The following HTR4 variants were observed in gnomAD, a reference collection of about 807,000 sequenced individuals.
HTR4 encodes 5-hydroxytryptamine receptor 4.
HTR4 carries 16 observed loss-of-function variants against 36.8 expected under a neutral mutation model. That is an observed-to-expected ratio of 0.43 (90% confidence interval 0.29 to 0.66). HTR4 has a LOEUF of 0.66. Ranked by LOEUF, HTR4 falls within the 30% of genes least tolerant of loss-of-function variation. HTR4 has a pLI of 0.13. For synonymous variants in HTR4, 189 were observed against 185.1 expected (o/e 1.02, Z -0.17); for missense variants, 438 against 490.9 (o/e 0.89, Z 1.02).
At chr5:148,484,458 T>A in intron 6 of HTR4, 1 of 1,348,708 alleles carries the variant, frequency 7.4e-7, no homozygotes, top group Admixed American at 2.0e-5. Context: ...AGTCTATGGT[T>A]TCTGGAGATT....
At chr5:148,634,282 G>A (rs1040492005) in intron 2 of HTR4, among the ~76,000 whole-genome samples, 3 of 152,012 alleles carry the variant, frequency 2.0e-5, no homozygotes, top group Non-Finnish European at 2.9e-5. Flanking sequence ...TTCTCACATA[G>A]GCATCCTCTC....
At chr5:148,457,032 G>A (rs1194114752) in intron 5 of HTR4, among the ~76,000 whole-genome samples, 1 of 152,112 alleles carries the variant, frequency 6.6e-6, no homozygotes, top group South Asian at 2.1e-4. Context: ...ATCAATTAAG[G>A]TCACTTAGAG....
intron 2 of HTR4, among the ~76,000 whole-genome samples, chr5:148,568,407 A>G (rs1307598775): frequency 6.6e-6 from 1 of 152,156 alleles, no homozygotes; most frequent in African/African-American, 2.4e-5. Flanking sequence ...TCAATCAACT[A>G]ACGAACCAAT....
At chr5:148,598,343 G>T (rs1761859550) in intron 2 of HTR4, among the ~76,000 whole-genome samples, 1 of 152,106 alleles carries the variant, frequency 6.6e-6, no homozygotes, top group Non-Finnish European at 1.5e-5. Context: ...TCAGGAGTTT[G>T]AGACCAGCCT....
At chr5:148,559,108 A>T in intron 2 of HTR4, among the ~76,000 whole-genome samples, 1 of 152,218 alleles carries the variant, frequency 6.6e-6, no homozygotes, top group East Asian at 1.9e-4. Flanking sequence ...TACCTTCGTG[A>T]TCACCTGACT....
At chr5:148,641,669 G>T (rs1753732249) in intron 1 of HTR4, among the ~76,000 whole-genome samples, 1 of 152,148 alleles carries the variant, frequency 6.6e-6, no homozygotes, top group Non-Finnish European at 1.5e-5. Context: ...TTCAGAATCT[G>T]ATTTTTCCTT....
intron 6 of HTR4, among the ~76,000 whole-genome samples, chr5:148,487,961 T>C (rs952328283): frequency 6.6e-5 from 10 of 152,328 alleles, no homozygotes; most frequent in African/African-American, 2.4e-5. Context: ...TTGGTGATTA[T>C]GAAAATGAGA....
At chr5:148,524,666 G>A (rs1469394060) in intron 4 of HTR4, among the ~76,000 whole-genome samples, 2 of 152,116 alleles carry the variant, frequency 1.3e-5, no homozygotes, top group South Asian at 4.1e-4. Flanking sequence ...TTCTCTTTGG[G>A]AGAGTACAAA....
chr5:148,620,522 G>A (rs764964738), intron 2 of HTR4, among the ~76,000 whole-genome samples: 1 of 152,070 alleles, frequency 6.6e-6, no homozygotes, highest in Non-Finnish European at 1.5e-5. Flanking sequence ...GGCTGTAAGT[G>A]GAAAATGCAC....
chr5:148,587,782 A>C (rs72832077), intron 2 of HTR4, among the ~76,000 whole-genome samples: 1 of 151,954 alleles, frequency 6.6e-6, no homozygotes, highest in Non-Finnish European at 1.5e-5. Context: ...AGAAAGGGAA[A>C]CTCCAGCTGC....
At chr5:148,480,430 G>A (rs1313235428), downstream of HTR4, among the ~76,000 whole-genome samples, 2 of 152,276 alleles carry the variant, frequency 1.3e-5, no homozygotes, top group East Asian at 3.9e-4. Flanking sequence ...CCAGGCTGAA[G>A]TGCAGTGGTG....
intron 6 of HTR4, among the ~76,000 whole-genome samples, chr5:148,505,511 A>T (rs1183207630): frequency 6.6e-6 from 1 of 152,182 alleles, no homozygotes; most frequent in African/African-American, 2.4e-5. Flanking sequence ...TAGTGTTGGA[A>T]GTTCTGGCCA....
intron 2 of HTR4, among the ~76,000 whole-genome samples, chr5:148,611,023 T>A (rs539365512): frequency 1.3e-5 from 2 of 149,592 alleles, no homozygotes; most frequent in South Asian, 2.2e-4. Flanking sequence ...AATATGGGAC[T>A]ATGTGAAAAG....
chr5:148,461,750 G>A (rs1483847646), intron 5 of HTR4: 1 of 152,002 alleles, frequency 6.6e-6, no homozygotes, highest in South Asian at 2.1e-4. Flanking sequence ...GAACTCAACA[G>A]TACTATGAAT....
intron 5 of HTR4, among the ~76,000 whole-genome samples, chr5:148,457,803 CAT>C (rs1019548223): frequency 1.6e-5 from 2 of 123,898 alleles, no homozygotes; most frequent in Admixed American, 8.2e-5. Flanking sequence ...ATTAAAATAT[CAT>C]ATATTTTGAT....
At chr5:148,592,367 A>G (rs1761606356) in intron 2 of HTR4, among the ~76,000 whole-genome samples, 2 of 152,068 alleles carry the variant, frequency 1.3e-5, no homozygotes, top group Admixed American at 1.3e-4. Flanking sequence ...AAAACTTCAC[A>G]TGTACCCCTG....
intron 2 of HTR4, among the ~76,000 whole-genome samples, chr5:148,593,682 A>C (rs1455775464): frequency 6.6e-6 from 1 of 152,196 alleles, no homozygotes; most frequent in African/African-American, 2.4e-5. Context: ...TTAAAAATTC[A>C]AATCTAATCC....
At chr5:148,535,514 T>A (rs916700879) in intron 4 of HTR4, among the ~76,000 whole-genome samples, 3 of 152,006 alleles carry the variant, frequency 2.0e-5, no homozygotes, top group Non-Finnish European at 4.4e-5. Context: ...AGCTGAAGGA[T>A]GAAATAGCCA....
chr5:148,555,343 C>G (rs1759897592), intron 2 of HTR4, among the ~76,000 whole-genome samples: 1 of 152,092 alleles, frequency 6.6e-6, no homozygotes. Flanking sequence ...CATTTTGAAC[C>G]AAGTGGGAAT....
Sources: gnomAD v4.1 joint callset for allele counts (sites outside exome capture counted in the v4.1 genomes callset) on GRCh38, gnomAD v4.1.1 for gene constraint, MANE v1.5 for transcripts, NCBI Gene and HGNC (gene_info 2026-07-23, HGNC 2026-07-21) for gene names.